VPS13B: variants seen among roughly 807,000 people sequenced by gnomAD.
VPS13B encodes the protein intermembrane lipid transfer protein VPS13B.
Under a neutral mutation model 426.4 loss-of-function variants are expected in VPS13B, and 285 were observed. That is an observed-to-expected ratio of 0.67 (90% CI 0.61 to 0.74). The LOEUF is 0.74. Ranked by LOEUF, VPS13B falls within the 30% of genes least tolerant of loss-of-function variation. VPS13B has a pLI of 0.00. For synonymous variants in VPS13B, 1,676 were observed against 1,676.4 expected, an observed-to-expected ratio of 1.00 and a Z score of 0.01; for missense variants, 4,537 against 4,782.6, an observed-to-expected ratio of 0.95 and a Z score of 1.51.
At chr8:99,448,341 G>A (rs914049269) in intron 23 of VPS13B, among the ~76,000 whole-genome samples, 16 of 151,662 alleles carry the variant, frequency 1.1e-4, no homozygotes, top group Admixed American at 9.9e-4. Context: ...TTAACCACAT[G>A]GTTATTCTCA....
chr8:99,697,772 G>T, intron 35 of VPS13B: 1 of 627,262 alleles, frequency 1.6e-6, no homozygotes. Context: ...CAGTGTCACT[G>T]AGCTCATCAG....
intron 3 of VPS13B, among the ~76,000 whole-genome samples, chr8:99,048,409 T>C (rs1257952473): frequency 6.6e-6 from 1 of 152,226 alleles, no homozygotes; most frequent in Non-Finnish European, 1.5e-5. Flanking sequence ...CTTTGTTGAC[T>C]TTCTGTCGTG....
At chr8:99,543,379 T>G (rs1236582284) in intron 30 of VPS13B, among the ~76,000 whole-genome samples, 8 of 152,094 alleles carry the variant, frequency 5.3e-5, no homozygotes, top group Non-Finnish European at 1.0e-4. Context: ...ACCTAGGCAT[T>G]ACCATTCAGG....
intron 5 of VPS13B, among the ~76,000 whole-genome samples, chr8:99,105,229 G>A (rs529979287): frequency 2.0e-5 from 3 of 152,198 alleles, no homozygotes; most frequent in South Asian, 2.1e-4. Flanking sequence ...CTTATATATC[G>A]TTAATGCCTC....
At chr8:99,019,154 T>C (rs1034151782) in intron 2 of VPS13B, among the ~76,000 whole-genome samples, 1 of 152,270 alleles carries the variant, frequency 6.6e-6, no homozygotes, top group South Asian at 2.1e-4. Context: ...TTAGTGGTTT[T>C]TTTAAAATTG....
In VPS13B at chr8:99,835,572, T is replaced by A. The variant is rs1815347853; in HGVS notation, c.9776T>A (p.Ile3259Asn). The A allele has an allele frequency of 3.7e-6, 6 of 1,614,046 alleles. No homozygotes were observed. The highest frequency in any genetic ancestry group is 1.3e-5 in the African/African-American group (1 of 74,928). ...AAGTTTGAGGTTTATTGCAAAAAAATTCCCTCCGAGTGCTCAATTCATCAT... is the reference window on the plus strand; with the variant it reads ...AAGTTTGAGGTTTATTGCAAAAAAAATCCCTCCGAGTGCTCAATTCATCAT... ...IPKFEVYCKK[I>N]PSECSIHHEL... Residue 3259 changes from isoleucine (I) to asparagine (N), a missense_variant, in exon 54 of 62, where the codon ATT becomes AAT. Around this residue, in one of 2 missense-constraint regions of VPS13B, gnomAD observed 4,311 missense variants for 4,474.3 expected, o/e 0.96. Transcript: ENST00000357162.
intron 17 of VPS13B, among the ~76,000 whole-genome samples, chr8:99,240,282 G>T (rs535326368): frequency 6.6e-6 from 1 of 152,194 alleles, no homozygotes; most frequent in South Asian, 2.1e-4. Context: ...AATTTGGTTC[G>T]CAGCTTTTAG....
intron 33 of VPS13B, among the ~76,000 whole-genome samples, chr8:99,602,747 A>G (rs1277083281): frequency 6.6e-6 from 1 of 152,220 alleles, no homozygotes; most frequent in Non-Finnish European, 1.5e-5. Flanking sequence ...TAATAGACAA[A>G]CAGCCAAATC....
At position 99,360,697 on chromosome 8, in the gene VPS13B, T is replaced by C. The variant is rs1372805036; in HGVS notation, c.2825-23511T>C. Among the ~76,000 whole-genome samples, 3 of 152,308 alleles carry C rather than the reference T, an allele frequency of 2.0e-5. No homozygotes were observed. In the East Asian group the frequency reaches 5.8e-4, roughly 29 times the overall value. On this transcript the variant is annotated intron_variant, in intron 19 of 61. Transcript: ENST00000357162. Reference sequence around the variant, plus strand: ...TCATGGACATATACCGGCTTGAGTATGATCTACTGGCAAGGGCAAAAGGTG... The same window carrying C: ...TCATGGACATATACCGGCTTGAGTACGATCTACTGGCAAGGGCAAAAGGTG...
intron 19 of VPS13B, among the ~76,000 whole-genome samples, chr8:99,319,422 G>C (rs1301383384): frequency 6.6e-6 from 1 of 152,180 alleles, no homozygotes; most frequent in Non-Finnish European, 1.5e-5. Context: ...GTATTTAGAT[G>C]TAAAATTGAG....
intron 4 of VPS13B, among the ~76,000 whole-genome samples, chr8:99,101,317 A>G (rs1308983373): frequency 1.3e-5 from 2 of 152,032 alleles, no homozygotes. Context: ...TATTTTTAGT[A>G]GAGACAGGGT....
intron 3 of VPS13B, among the ~76,000 whole-genome samples, chr8:99,058,445 A>G (rs1844003059): frequency 6.6e-6 from 1 of 151,764 alleles, no homozygotes; most frequent in Non-Finnish European, 1.5e-5. Flanking sequence ...ATAAACATAT[A>G]TATTAGAATT....
intron 3 of VPS13B, among the ~76,000 whole-genome samples, chr8:99,059,872 A>G (rs1844084325): frequency 6.6e-6 from 1 of 151,288 alleles, no homozygotes; most frequent in Admixed American, 6.6e-5. Context: ...AGCTGAGATT[A>G]CAGGTGTGCG....
chr8:99,828,492 C>A (rs1484800901), intron 51 of VPS13B, among the ~76,000 whole-genome samples: 1 of 125,192 alleles, frequency 8.0e-6, no homozygotes, highest in Non-Finnish European at 1.6e-5. Context: ...CTATGTGTGT[C>A]TTTGCACATG....
At chr8:99,464,569 G>T (rs1458204827) in intron 23 of VPS13B, among the ~76,000 whole-genome samples, 2 of 152,030 alleles carry the variant, frequency 1.3e-5, no homozygotes, top group African/African-American at 4.8e-5. Context: ...AATTATTTTT[G>T]TGTCATGTAA....
At chr8:99,158,359 C>T (rs1172912189) in intron 15 of VPS13B, among the ~76,000 whole-genome samples, 1 of 152,060 alleles carries the variant, frequency 6.6e-6, no homozygotes, top group Non-Finnish European at 1.5e-5. Flanking sequence ...GGTGAAACCC[C>T]ATCTCTACTA....
chr8:99,649,096 C>G (rs181816244), intron 34 of VPS13B, among the ~76,000 whole-genome samples: 2 of 152,188 alleles, frequency 1.3e-5, no homozygotes, highest in African/African-American at 4.8e-5. Context: ...ATTCCAATTA[C>G]TGTTTCCATA....
chr8:99,169,934 T>A (rs961215114), intron 15 of VPS13B, 105 bp from the exon 16 acceptor site: 1 of 1,325,412 alleles, frequency 7.5e-7, no homozygotes, highest in Non-Finnish European at 1.1e-6. Context: ...TTGGAACATA[T>A]TTAGTGTGCA....
chr8:99,344,162 A>G (rs72672374), intron 19 of VPS13B, among the ~76,000 whole-genome samples: 9,734 of 152,304 alleles, frequency 0.064, 336 homozygotes, highest in South Asian at 0.097. Flanking sequence ...CCACTCATTT[A>G]TAGTCAATTG....
Sources: allele counts gnomAD v4.1 joint callset (sites outside exome capture counted in the v4.1 genomes callset), GRCh38; gene constraint gnomAD v4.1.1; regional missense constraint gnomAD v4.1.1; transcripts MANE v1.5; gene names NCBI Gene and HGNC (gene_info 2026-07-23, HGNC 2026-07-21).